The following LIN54 variants were observed in gnomAD, a reference collection of about 807,000 sequenced individuals.
LIN54 encodes lin-54 DREAM MuvB core complex component.
Under a neutral mutation model 78.7 loss-of-function variants are expected in LIN54, and 9 were observed. The observed-to-expected ratio is 0.11, with a 90% CI of 0.07 to 0.20. LIN54 has a LOEUF of 0.20. Ranked by LOEUF, LIN54 falls within the 10% of genes least tolerant of loss-of-function variation. LIN54 has a pLI of 1.00. For missense variants in LIN54, 573 were observed against 889.9 expected (o/e 0.64, Z 4.53); for synonymous variants, 269 against 318.4 (o/e 0.84, Z 1.65).
At chr4:82,947,394 T>TTGTGTG (rs57298736) in intron 4 of LIN54, among the ~76,000 whole-genome samples, 1,538 of 124,626 alleles carry the variant, frequency 0.012, 14 homozygotes, top group South Asian at 0.024. Flanking sequence ...CCCAGTTAAT[T>TTGTGTG]TGTGTGTGTG....
intron 4 of LIN54, 26 bp from the exon 5 acceptor site, chr4:82,946,500 C>A: frequency 6.5e-7 from 1 of 1,531,634 alleles, no homozygotes; most frequent in South Asian, 1.1e-5. Context: ...ACATGGCTGT[C>A]ATTAATCTGG....
intron 1 of LIN54, among the ~76,000 whole-genome samples, chr4:83,001,879 G>A (rs112228235): frequency 0.88 from 4,245 of 4,840 alleles, 1,924 homozygotes; most frequent in East Asian, 0.97. Flanking sequence ...AGGAAGGAAG[G>A]AAGGAAGGAA....
chr4:82,954,544 A>G (rs1384125623), intron 4 of LIN54, among the ~76,000 whole-genome samples: 1 of 152,004 alleles, frequency 6.6e-6, no homozygotes, highest in Non-Finnish European at 1.5e-5. Context: ...CAGCCTGCCA[A>G]GTAGTAGGAA....
chr4:82,977,425 A>G (rs1470241583), intron 3 of LIN54, among the ~76,000 whole-genome samples: 1 of 152,114 alleles, frequency 6.6e-6, no homozygotes, highest in Non-Finnish European at 1.5e-5. Flanking sequence ...TCAGCTTCCT[A>G]TACTGTCACA....
intron 4 of LIN54, among the ~76,000 whole-genome samples, chr4:82,947,235 A>ATATATATATTTTTT: frequency 1.2e-3 from 55 of 44,282 alleles, no homozygotes; most frequent in South Asian, 4.8e-3. Context: ...ATATATATAT[A>ATATATATATTTTTT]TTTTTTTTTT....
rs1165576029 is a variant in LIN54, at chr4:82,995,485, ATCTC to A, written c.-32-10613_-32-10610del. 6.6e-4 allele frequency among the ~76,000 whole-genome samples: 63 copies of A among 95,064 alleles called. 1 individual carries two copies. Among genetic ancestry groups the A allele is most frequent in the African/African-American group, 2.6e-3 (61 of 23,104 alleles). 62.4% of individuals were successfully genotyped at this position (95,064 alleles called of 152,430 possible). A position where few individuals can be genotyped will look rare whatever the true frequency, so the allele number is the denominator to read the frequency against. On this transcript the variant is annotated intron_variant, in intron 1 of 12. Transcript: ENST00000340417. ...GACTGTCTTATGATTACACATCCTT[ATCTC>A]TTTTTTTTTTTTTTTTTTTTTTTTG...
chr4:82,986,446 C>G (rs1336950112), intron 1 of LIN54, among the ~76,000 whole-genome samples: 1 of 151,952 alleles, frequency 6.6e-6, no homozygotes, highest in East Asian at 1.9e-4. Context: ...AATACACCAC[C>G]CCGGCTGGGC....
intron 3 of LIN54, among the ~76,000 whole-genome samples, chr4:82,974,845 T>G (rs1726027553): frequency 7.4e-6 from 1 of 134,986 alleles, no homozygotes. Context: ...AGTGACAGAG[T>G]GACAGACTGT....
chr4:82,959,507 A>G (rs1724619553), intron 4 of LIN54, among the ~76,000 whole-genome samples: 1 of 152,112 alleles, frequency 6.6e-6, no homozygotes, highest in East Asian at 1.9e-4. Context: ...AAAAAAACAA[A>G]AACAAAAACA....
At chr4:82,953,235 C>T (rs1359218319) in intron 4 of LIN54, among the ~76,000 whole-genome samples, 1 of 152,128 alleles carries the variant, frequency 6.6e-6, no homozygotes, top group Admixed American at 6.5e-5. Context: ...GCAACCCTCC[C>T]ACCTCAGCTT....
intron 3 of LIN54, among the ~76,000 whole-genome samples, chr4:82,972,415 A>C (rs987357986): frequency 2.0e-5 from 3 of 152,192 alleles, no homozygotes; most frequent in Non-Finnish European, 4.4e-5. Flanking sequence ...AAAAACCTGA[A>C]TACATCATAA....
At position 82,931,036 on chromosome 4, in the gene LIN54, A is replaced by G; in HGVS notation, c.1955T>C (p.Val652Ala). The change falls in exon 12 of 13, where the codon GTA becomes GCA. Residue 652 changes from valine to alanine, a missense_variant. By Grantham distance (64) the Val-to-Ala change is moderately conservative. Coordinates refer to ENST00000340417, the MANE Select transcript of LIN54 (RefSeq NM_194282.4). ...CGTCTTGGCTGCTGTTTGTTGCTGT[A>G]CCCTTACTTCAGCTGCATCTGCCAA... ...MHLADAAEVRVQQQTAAKTKL... is the reference protein window; with the variant it reads ...MHLADAAEVRAQQQTAAKTKL... 1.9e-6 allele frequency: 3 copies of G among 1,614,172 alleles called. No homozygotes were observed. The highest frequency in any genetic ancestry group is 2.5e-6 in the Non-Finnish European group (3 of 1,180,024).
At chr4:82,941,232 G>A (rs542066736) in intron 5 of LIN54, among the ~76,000 whole-genome samples, 2 of 149,876 alleles carry the variant, frequency 1.3e-5, no homozygotes, top group Non-Finnish European at 3.0e-5. Flanking sequence ...TATTGAGATG[G>A]GCCCCAATCA....
chr4:82,999,175 C>T (rs192209159), intron 1 of LIN54, among the ~76,000 whole-genome samples: 96 of 152,238 alleles, frequency 6.3e-4, no homozygotes, highest in Middle Eastern at 3.4e-3. Flanking sequence ...ATGTTTAATG[C>T]AATACTGTAA....
chr4:82,994,489 C>T lies in LIN54; in HGVS notation c.-32-9613G>A, dbSNP rs113813568. ...CTGGGCTCACTGCAACCTCCACCTC[C>T]CCGGTTCAAGCAATTCCCCTGCCTC... is the stretch of plus-strand genomic sequence containing the variant. On this transcript the variant is annotated intron_variant, in intron 1 of 12. Transcript: ENST00000340417. 7.2e-3 allele frequency among the ~76,000 whole-genome samples: 1,099 copies of T among 152,068 alleles called. 21 individuals are homozygous for T. Among genetic ancestry groups the T allele is most frequent in the Middle Eastern group, 0.01 (3 of 294 alleles).
intron 5 of LIN54, among the ~76,000 whole-genome samples, chr4:82,940,742 A>C (rs946761659): frequency 9.8e-5 from 15 of 152,368 alleles, no homozygotes; most frequent in African/African-American, 3.6e-4. Context: ...AAAAGGCAGC[A>C]CAGCAAAAAG....
chr4:83,005,140 C>A (rs1352600151), intron 1 of LIN54, among the ~76,000 whole-genome samples: 8 of 152,092 alleles, frequency 5.3e-5, no homozygotes, highest in African/African-American at 1.7e-4. Flanking sequence ...AGGTGATCCA[C>A]CCACCTCGGC....
chr4:82,938,226 T>C (rs1560721554), intron 8 of LIN54, among the ~76,000 whole-genome samples, 187 bp downstream of exon 8: 1 of 152,214 alleles, frequency 6.6e-6, no homozygotes, highest in Non-Finnish European at 1.5e-5. Context: ...TGAATCTGAA[T>C]AGAGTATTTG....
chr4:82,935,854 G>T, intron 11 of LIN54, 127 bp downstream of exon 11: 2 of 916,316 alleles, frequency 2.2e-6, no homozygotes, highest in Non-Finnish European at 3.5e-6. Context: ...AAGGGCCTTT[G>T]CACCAACTGT....
Sources: allele counts gnomAD v4.1 joint callset (sites outside exome capture counted in the v4.1 genomes callset), GRCh38; gene constraint gnomAD v4.1.1; transcripts MANE v1.5; gene names NCBI Gene and HGNC (gene_info 2026-07-23, HGNC 2026-07-21).